DDX31: variants seen among roughly 807,000 people sequenced by gnomAD.
The protein encoded by DDX31 is DEAD-box helicase 31.
A neutral mutation model predicts 91.3 loss-of-function variants in DDX31; 70 were observed. The observed-to-expected ratio is 0.77, with a 90% CI of 0.63 to 0.94. The LOEUF (loss-of-function observed/expected upper bound fraction) is 0.94. Ranked by LOEUF, DDX31 falls within the 40% of genes least tolerant of loss-of-function variation. The probability of loss-of-function intolerance (pLI) is 0.00; values close to 1 mark genes in which losing one functional copy is unlikely to be tolerated. For synonymous variants in DDX31, 362 were observed against 350.6 expected (o/e 1.03, Z -0.36); for missense variants, 902 against 925.0 (o/e 0.98, Z 0.32).
chr9:132,639,648 T>C (rs1833361971), intron 14 of DDX31, among the ~76,000 whole-genome samples: 1 of 152,204 alleles, frequency 6.6e-6, no homozygotes, highest in African/African-American at 2.4e-5. Context: ...GAAAGAATAA[T>C]CTTTTCTTCC....
At chr9:132,632,241 TACACACACACACACACACACACAC>T (rs57020423) in intron 14 of DDX31, 150 bp from the exon 15 acceptor site, 5 of 94,158 alleles carry the variant, frequency 5.3e-5, no homozygotes, top group African/African-American at 1.3e-4. Context: ...CCAGTACGTG[TACACACACACACACACACACACAC>T]ACACACACAC....
chr9:132,652,307 G>T, intron 7 of DDX31, 141 bp downstream of exon 7: 1 of 900,666 alleles, frequency 1.1e-6, no homozygotes, highest in Non-Finnish European at 1.7e-6. Flanking sequence ...ACAAGAACCA[G>T]AAGGATGGTT....
intron 18 of DDX31, among the ~76,000 whole-genome samples, chr9:132,617,414 AC>A (rs1831710989): frequency 6.6e-6 from 1 of 151,242 alleles, no homozygotes; most frequent in Non-Finnish European, 1.5e-5. Context: ...CACCCCACTA[AC>A]ATGTTGGCTT....
At chr9:132,597,292 G>A (rs1376292061) in intron 19 of DDX31, among the ~76,000 whole-genome samples, 1 of 152,176 alleles carries the variant, frequency 6.6e-6, no homozygotes, top group East Asian at 1.9e-4. Context: ...CCTGTGGTTG[G>A]GAAGTGGCGG....
At chr9:132,648,655 G>A (rs1475233503) in intron 9 of DDX31, 104 bp from the exon 10 acceptor site, 2 of 1,352,672 alleles carry the variant, frequency 1.5e-6, no homozygotes, top group African/African-American at 1.5e-5. Context: ...CATGTACAGT[G>A]CAAACGTGCC....
chr9:132,608,334 G>T (rs445990), intron 19 of DDX31, among the ~76,000 whole-genome samples: 91,185 of 151,960 alleles, frequency 0.6, 30,008 homozygotes, highest in African/African-American at 0.88. Context: ...CTGTTCCCTT[G>T]CAGAACTGAG....
At chr9:132,637,851 T>C in intron 14 of DDX31, 9 of 986,564 alleles carry the variant, frequency 9.1e-6, no homozygotes, top group Non-Finnish European at 1.1e-5. Flanking sequence ...CTAAAAAGCA[T>C]ACCCCAGAGA....
chr9:132,605,895 G>C (rs1373390800), intron 19 of DDX31, among the ~76,000 whole-genome samples: 1 of 152,156 alleles, frequency 6.6e-6, no homozygotes, highest in African/African-American at 2.4e-5. Flanking sequence ...GATGCGGTGA[G>C]GGCTGTGGAG....
At position 132,669,623 on chromosome 9, in the gene DDX31, C is replaced by T. The variant is rs983552175; in HGVS notation, c.75+237G>A. ...TCCTTTACTTTTCTAGGCGCAGGAG[C>T]CAGCTCCCCGCCCCTCCACACCGCT... On this transcript the variant is annotated intron_variant, in intron 1 of 19. Coordinates refer to ENST00000372159, the MANE Select transcript of DDX31 (RefSeq NM_022779.9). The T allele has an allele frequency of 3.3e-6, 5 of 1,527,678 alleles. No homozygotes were observed. In the Admixed American group the frequency reaches 9.9e-5, roughly 30 times the overall value. 94.6% of individuals were successfully genotyped at this position (1,527,678 alleles called of 1,614,324 possible).
At chr9:132,668,309 T>C (rs372584871) in intron 1 of DDX31, among the ~76,000 whole-genome samples, 3 of 152,154 alleles carry the variant, frequency 2.0e-5, no homozygotes, top group East Asian at 3.8e-4. Context: ...GCAATGGGAT[T>C]ATATCAATGA....
At chr9:132,629,375 C>T (rs532357424) in intron 16 of DDX31, among the ~76,000 whole-genome samples, 150 of 152,318 alleles carry the variant, frequency 9.8e-4, no homozygotes, top group Middle Eastern at 3.4e-3. Flanking sequence ...AGCCTCAGTC[C>T]GTAAGTGTTC....
Position 132,645,948 on chromosome 9 carries a change from A to T in DDX31, c.1327T>A (p.Ser443Thr). 1.9e-6 allele frequency: 3 copies of T among 1,613,944 alleles called. No homozygotes were observed. Among genetic ancestry groups the T allele is most frequent in the Non-Finnish European group, 2.5e-6 (3 of 1,179,924 alleles). ...AGGAATTTTAATCGCATGGAGGCAG[A>T]TGGCAACTGCCCTGATGCCGGCGCC... ...SGAPASGQLP[S>T]ASMRLKFLRL... The change falls in exon 13 of 20, where the codon TCT becomes ACT. Residue 443 changes from serine (S) to threonine (T), a missense_variant. By Grantham distance (58) the Ser-to-Thr change is moderately conservative. Transcript: ENST00000372159.
intron 14 of DDX31, among the ~76,000 whole-genome samples, chr9:132,633,854 T>G (rs1046338227): frequency 6.6e-6 from 1 of 152,190 alleles, no homozygotes; most frequent in African/African-American, 2.4e-5. Context: ...TTATGACATA[T>G]TCTCGCCAAA....
At chr9:132,643,728 G>A (rs951737191) in intron 13 of DDX31, among the ~76,000 whole-genome samples, 1 of 152,152 alleles carries the variant, frequency 6.6e-6, no homozygotes, top group African/African-American at 2.4e-5. Context: ...CCGAACCCAG[G>A]GAGCTGTGTT....
rs370759019 is a variant in DDX31 at position 132,614,385 on chromosome 9, TAC to T, written c.1826-2132_1826-2131del. Among the ~76,000 whole-genome samples the T allele has an allele frequency of 5.5e-3, 840 of 152,056 alleles. 6 individuals carry two copies. Among genetic ancestry groups the T allele is most frequent in the African/African-American group, 0.017 (706 of 41,478 alleles). Reference sequence around the variant, plus strand: ...TTGGAGTACACAGAGCCCCACTAGATACAGAGCCCCACAGCCAAGCCCTCAGA... The same window carrying T: ...TTGGAGTACACAGAGCCCCACTAGATAGAGCCCCACAGCCAAGCCCTCAGA... On this transcript the variant is annotated intron_variant, in intron 18 of 19. Coordinates refer to ENST00000372159, the MANE Select transcript of DDX31 (RefSeq NM_022779.9).
chr9:132,655,574 GA>G (rs1330936073), intron 6 of DDX31, among the ~76,000 whole-genome samples: 1 of 152,276 alleles, frequency 6.6e-6, no homozygotes, highest in East Asian at 1.9e-4. Context: ...GCCACTAAGG[GA>G]AAGTGGGAAT....
chr9:132,662,210 G>C lies in DDX31; in HGVS notation c.408+51C>G, dbSNP rs371729973. The C allele has an allele frequency of 6.3e-6, 10 of 1,590,324 alleles. No individual in the cohort carries two copies. In the African/African-American group the frequency reaches 1.3e-4, roughly 21 times the overall value. On this transcript the variant is annotated intron_variant, in intron 3 of 19. Transcript: ENST00000372159. Reference sequence around the variant, plus strand: ...CGGCCATTTCACAGACCTTCTGAACGGACAAACACACCAAAAAAAACTGAC... The same window carrying C: ...CGGCCATTTCACAGACCTTCTGAACCGACAAACACACCAAAAAAAACTGAC...
rs1833221580 is a variant in DDX31, at chr9:132,637,841, C to T, written c.1440+4163G>A. On this transcript the variant is annotated intron_variant, in intron 14 of 19. Coordinates refer to ENST00000372159, the MANE Select transcript of DDX31 (RefSeq NM_022779.9). Reference sequence around the variant, plus strand: ...ATAAAACGAAAAAGATACACTTTACCTAAAAAGCATACCCCAGAGAAAAGC... The same window carrying T: ...ATAAAACGAAAAAGATACACTTTACTTAAAAAGCATACCCCAGAGAAAAGC... 6.1e-6 allele frequency: 6 copies of T among 986,140 alleles called. No individual in the cohort carries two copies. The East Asian group carries it at 5.7e-4, about 93-fold the overall frequency. 61.1% of individuals were successfully genotyped at this position (986,140 alleles called of 1,614,324 possible).
At chr9:132,661,101 T>TG in intron 4 of DDX31, 107 bp downstream of exon 4, 1 of 925,622 alleles carries the variant, frequency 1.1e-6, no homozygotes, top group Non-Finnish European at 1.8e-6. Context: ...AACCTGGCAC[T>TG]GTGTTCCAAC....
Sources: allele counts gnomAD v4.1 joint callset (sites outside exome capture counted in the v4.1 genomes callset), GRCh38; gene constraint gnomAD v4.1.1; transcripts MANE v1.5; gene names NCBI Gene and HGNC (gene_info 2026-07-23, HGNC 2026-07-21).